The following TNRC6B variants were observed in gnomAD, a reference collection of about 807,000 sequenced individuals.
TNRC6B encodes trinucleotide repeat containing adaptor 6B, also known as trinucleotide repeat-containing gene 6B protein.
TNRC6B carries 52 observed loss-of-function variants against 203.6 expected under a neutral mutation model. That is an observed-to-expected ratio of 0.26 (90% CI 0.20 to 0.32). The LOEUF (loss-of-function observed/expected upper bound fraction) is 0.32. Ranked by LOEUF, TNRC6B falls within the 10% of genes least tolerant of loss-of-function variation. TNRC6B has a pLI of 1.00. For missense variants in TNRC6B, 1,923 were observed against 2,286.2 expected (o/e 0.84, Z 3.24); for synonymous variants, 838 against 845.7 (o/e 0.99, Z 0.16).
chr22:40,192,245 T>G (rs1001593101), intron 1 of TNRC6B, among the ~76,000 whole-genome samples: 6 of 152,308 alleles, frequency 3.9e-5, no homozygotes, highest in Admixed American at 2.6e-4. Context: ...ATTTTCATGT[T>G]AAGGATCCGG....
At chr22:40,279,341 A>G (rs2070694173) in intron 9 of TNRC6B, among the ~76,000 whole-genome samples, 1 of 152,254 alleles carries the variant, frequency 6.6e-6, no homozygotes, top group Non-Finnish European at 1.5e-5. Flanking sequence ...ATTTCTAAAT[A>G]TGAGAATAAT....
intron 12 of TNRC6B, among the ~76,000 whole-genome samples, chr22:40,292,436 T>A (rs1336254184): frequency 6.6e-6 from 1 of 152,214 alleles, no homozygotes; most frequent in Non-Finnish European, 1.5e-5. Flanking sequence ...CCATGCCTGT[T>A]TCCTCCAGTT....
At chr22:40,249,614 G>C (rs1220083853) in intron 2 of TNRC6B, among the ~76,000 whole-genome samples, 4 of 152,188 alleles carry the variant, frequency 2.6e-5, no homozygotes, top group Non-Finnish European at 4.4e-5. Flanking sequence ...AAACATATTT[G>C]ACATTATTTG....
At chr22:40,126,339 C>T (rs1306462800) in intron 3 of TNRC6B, among the ~76,000 whole-genome samples, 1 of 151,994 alleles carries the variant, frequency 6.6e-6, no homozygotes, top group Non-Finnish European at 1.5e-5. Context: ...CAAGTGATTC[C>T]ATCACTCAGG....
upstream of TNRC6B, among the ~76,000 whole-genome samples, chr22:40,173,799 T>TATATATATATATAA (rs2069029332): frequency 2.0e-5 from 1 of 51,052 alleles, no homozygotes; most frequent in Non-Finnish European, 3.4e-5. Context: ...ATATATTTTT[T>TATATATATATATAA]TTTTTTTTTT....
At position 40,236,012 on chromosome 22, in the gene TNRC6B, G is replaced by A. The variant is rs577340642; in HGVS notation, c.6-10003G>A. 1.0e-3 allele frequency among the ~76,000 whole-genome samples: 155 copies of A among 152,300 alleles called. No individual in the cohort carries two copies. In the Middle Eastern group the frequency reaches 0.01, roughly 10 times the overall value. The stretch of plus-strand genomic sequence containing the variant: ...ATAATTGTAGGTTCACATGCCAGAA[G>A]CAAGGCAGAGAGATTCTGTATGCCA... On this transcript the variant is annotated intron_variant, in intron 1 of 22. Transcript: ENST00000454349.
chr22:40,109,248 G>A (rs1314485550), intron 1 of TNRC6B, among the ~76,000 whole-genome samples: 9 of 152,112 alleles, frequency 5.9e-5, no homozygotes, highest in Admixed American at 2.6e-4. Context: ...GAACATACGC[G>A]TGTATGTATC....
At chr22:40,293,126 C>T (rs2070890384) in intron 12 of TNRC6B, among the ~76,000 whole-genome samples, 1 of 150,494 alleles carries the variant, frequency 6.6e-6, no homozygotes, top group African/African-American at 2.4e-5. Flanking sequence ...GTCTACTGTT[C>T]ATAGACATTT....
intron 15 of TNRC6B, 111 bp from the exon 16 acceptor site, chr22:40,308,401 A>G (rs2146559836): frequency 7.9e-7 from 1 of 1,259,102 alleles, no homozygotes; most frequent in East Asian, 2.3e-5. Flanking sequence ...CTGAGTGGAG[A>G]AACTCTGTGA....
At chr22:40,261,557 G>A (rs950056551) in intron 3 of TNRC6B, among the ~76,000 whole-genome samples, 6 of 151,808 alleles carry the variant, frequency 4.0e-5, no homozygotes, top group Non-Finnish European at 7.4e-5. Flanking sequence ...CAGCCTGGGC[G>A]ACACTCACAC....
intron 1 of TNRC6B, among the ~76,000 whole-genome samples, chr22:40,093,472 G>T (rs2146298749): frequency 6.6e-6 from 1 of 152,274 alleles, no homozygotes; most frequent in South Asian, 2.1e-4. Context: ...GGTAAAGAAA[G>T]AGAAATATCA....
At chr22:40,162,641 G>A (rs2068880943) in intron 4 of TNRC6B, among the ~76,000 whole-genome samples, 1 of 152,096 alleles carries the variant, frequency 6.6e-6, no homozygotes, top group South Asian at 2.1e-4. Context: ...TACACCATAA[G>A]GTTTTCTCCA....
intron 15 of TNRC6B, among the ~76,000 whole-genome samples, chr22:40,304,216 A>C (rs959649705): frequency 1.8e-4 from 28 of 152,350 alleles, no homozygotes; most frequent in East Asian, 1.9e-4. Flanking sequence ...TCTTTGTTAC[A>C]TTATCTCAAA....
chr22:40,164,574 C>A (rs1195169858), intron 4 of TNRC6B, among the ~76,000 whole-genome samples: 9 of 150,720 alleles, frequency 6.0e-5, no homozygotes, highest in Admixed American at 6.0e-4. Flanking sequence ...ACCAGCCTGA[C>A]CAACATGGAG....
At chr22:40,132,206 G>A (rs1434308156) in intron 3 of TNRC6B, among the ~76,000 whole-genome samples, 2 of 152,084 alleles carry the variant, frequency 1.3e-5, no homozygotes, top group African/African-American at 2.4e-5. Context: ...AAATTAGCTG[G>A]GCCTGTTAGT....
intron 3 of TNRC6B, among the ~76,000 whole-genome samples, chr22:40,147,680 GC>G (rs376224787): frequency 2.4e-3 from 369 of 152,262 alleles, no homozygotes; most frequent in African/African-American, 8.1e-3. Context: ...CTTCCAGAAG[GC>G]CCCACCTCCC....
At chr22:40,280,277 T>A in intron 10 of TNRC6B, 134 bp downstream of exon 10, 1 of 827,450 alleles carries the variant, frequency 1.2e-6, no homozygotes, top group Non-Finnish European at 1.8e-6. Flanking sequence ...TCACCTGCAT[T>A]AACGTGGTGA....
At position 40,279,953 on chromosome 22, in the gene TNRC6B, A is replaced by G. The variant is rs188406816; in HGVS notation, c.3263-42A>G. On this transcript the variant is annotated intron_variant, in intron 9 of 22. Transcript: ENST00000454349. ...GTCACTCTTGGTTCATGGGGGAAAC[A>G]TTGATTCTGGAAATTTTCACTCTGT... The G allele has an allele frequency of 5.9e-4, 950 of 1,607,008 alleles. 8 individuals carry two copies. The African/African-American group carries it at 0.011, about 19-fold the overall frequency.
chr22:40,127,127 T>G (rs1159198867), intron 3 of TNRC6B, among the ~76,000 whole-genome samples: 2 of 151,886 alleles, frequency 1.3e-5, no homozygotes, highest in East Asian at 1.9e-4. Context: ...CTTGGCTGCT[T>G]CTTAACATAG....
Sources: allele counts gnomAD v4.1 joint callset (sites outside exome capture counted in the v4.1 genomes callset), GRCh38; gene constraint gnomAD v4.1.1; transcripts MANE v1.5; gene names NCBI Gene and HGNC (gene_info 2026-07-23, HGNC 2026-07-21).